The following DNAH17 variants were observed in gnomAD, a reference collection of about 807,000 sequenced individuals.
The protein encoded by DNAH17 is axonemal beta dynein heavy chain 17.
A neutral mutation model predicts 485.6 loss-of-function variants in DNAH17; 376 were observed. That is an observed-to-expected ratio of 0.77 (90% confidence interval 0.71 to 0.84). The LOEUF is 0.84. Ranked by LOEUF, DNAH17 falls within the 40% of genes least tolerant of loss-of-function variation. The probability of loss-of-function intolerance (pLI) is 0.00; values close to 1 mark genes in which losing one functional copy is unlikely to be tolerated. For synonymous variants in DNAH17, 3,031 were observed against 2,405.9 expected (o/e 1.26, Z -7.60); for missense variants, 6,370 against 5,839.3 (o/e 1.09, Z -2.96).
At position 78,570,389 on chromosome 17, in the gene DNAH17, C is replaced by T. The variant is rs560373685; in HGVS notation, c.919-17G>A. The T allele has an allele frequency of 6.2e-7, 1 of 1,607,306 alleles. No homozygotes were observed. Among genetic ancestry groups the T allele is most frequent in the Admixed American group, 1.7e-5 (1 of 59,338 alleles). On this transcript the variant is annotated splice_polypyrimidine_tract_variant and intron_variant, in intron 6 of 80. Coordinates refer to ENST00000389840, the MANE Select transcript of DNAH17 (RefSeq NM_173628.4). ...GGTGGGGAGCTGGGGGGAGACAGGCCCAGGCACACTGGAGGGGACTGGCCG... is the reference window on the plus strand; with the variant it reads ...GGTGGGGAGCTGGGGGGAGACAGGCTCAGGCACACTGGAGGGGACTGGCCG...
intron 75 of DNAH17, among the ~76,000 whole-genome samples, chr17:78,431,876 A>G (rs930802220): frequency 6.6e-6 from 1 of 152,168 alleles, no homozygotes; most frequent in Non-Finnish European, 1.5e-5. Flanking sequence ...GAAATGTCTT[A>G]AAAATCCTAA....
At chr17:78,427,964 C>T (rs1471879091) in intron 77 of DNAH17, among the ~76,000 whole-genome samples, 1 of 37,238 alleles carries the variant, frequency 2.7e-5, no homozygotes, top group Non-Finnish European at 5.3e-5. Flanking sequence ...AAAACTCCGT[C>T]TCAAAAAAAA....
At chr17:78,562,104 A>G in intron 11 of DNAH17, 124 bp from the exon 12 acceptor site, 1 of 1,204,286 alleles carries the variant, frequency 8.3e-7, no homozygotes, top group Non-Finnish European at 1.1e-6. Flanking sequence ...TGCCAAAACA[A>G]AACAATCCAC....
intron 11 of DNAH17, among the ~76,000 whole-genome samples, chr17:78,565,327 T>C (rs2092245445): frequency 6.6e-6 from 1 of 152,378 alleles, no homozygotes; most frequent in Non-Finnish European, 1.5e-5. Flanking sequence ...TTGCATTCAT[T>C]GATATTTTGC....
intron 54 of DNAH17, among the ~76,000 whole-genome samples, chr17:78,469,738 C>T (rs1414802771): frequency 1.3e-5 from 2 of 152,184 alleles, no homozygotes; most frequent in Non-Finnish European, 1.5e-5. Context: ...ATGATTTGGT[C>T]TTAAAAAGGG....
At chr17:78,426,395 G>A (rs745739768) in intron 79 of DNAH17, 62 bp downstream of exon 79, 66 of 1,496,680 alleles carry the variant, frequency 4.4e-5, no homozygotes, top group Non-Finnish European at 5.8e-5. Flanking sequence ...TGTGGGGTGT[G>A]CCGAGCTCTG....
At chr17:78,478,791 A>C in intron 51 of DNAH17, 1 of 496,944 alleles carries the variant, frequency 2.0e-6, no homozygotes, top group Admixed American at 3.8e-5. Context: ...CTATCATCAT[A>C]ACCATCACTA....
At chr17:78,454,167 C>T (rs1385828404) in intron 64 of DNAH17, among the ~76,000 whole-genome samples, 1 of 152,230 alleles carries the variant, frequency 6.6e-6, no homozygotes, top group Non-Finnish European at 1.5e-5. Context: ...CCACGAGACC[C>T]AGGAACATGA....
At chr17:78,498,942 G>T in intron 37 of DNAH17, 66 bp downstream of exon 37, 1 of 1,277,556 alleles carries the variant, frequency 7.8e-7, no homozygotes, top group South Asian at 1.5e-5. Flanking sequence ...TGGCGTGTGA[G>T]GTCACAGGAA....
rs1029061933 is a variant in DNAH17, at chr17:78,423,765, T to A, written c.*141A>T. The A allele has an allele frequency of 2.7e-6, 3 of 1,130,066 alleles. No homozygotes were observed. Among genetic ancestry groups the A allele is most frequent in the African/African-American group, 1.5e-5 (1 of 64,672 alleles). 70.0% of individuals were successfully genotyped at this position (1,130,066 alleles called of 1,614,324 possible). ...CAACCTCCACCCTCTGGTTCCGATG[T>A]GCTTGGTTACAAAGCACCTGATTAT... On this transcript the variant is annotated 3_prime_UTR_variant, in exon 81 of 81. Transcript: ENST00000389840.
chr17:78,544,138 C>T (rs2091684165), intron 16 of DNAH17, 141 bp from the exon 17 acceptor site: 3 of 1,211,192 alleles, frequency 2.5e-6, no homozygotes, highest in Non-Finnish European at 3.4e-6. Context: ...CGATCCATGC[C>T]CATCAGGGGC....
intron 54 of DNAH17, among the ~76,000 whole-genome samples, chr17:78,470,565 T>G (rs747496104): frequency 6.6e-6 from 1 of 152,050 alleles, no homozygotes; most frequent in Non-Finnish European, 1.5e-5. Flanking sequence ...GGCACGCACC[T>G]GTAATCCCAG....
At chr17:78,494,246 G>A (rs1481546285) in intron 40 of DNAH17, 73 bp from the exon 41 acceptor site, 2 of 1,556,378 alleles carry the variant, frequency 1.3e-6, no homozygotes, top group African/African-American at 1.4e-5. Flanking sequence ...AGGCTGGGGG[G>A]CTTCCTGCCC....
chr17:78,556,322 C>G (rs2092022768), intron 14 of DNAH17, among the ~76,000 whole-genome samples: 1 of 152,198 alleles, frequency 6.6e-6, no homozygotes, highest in Non-Finnish European at 1.5e-5. Flanking sequence ...AAGGTGCAGC[C>G]TCTAGACGCT....
At chr17:78,455,216 C>T (rs1424256697) in intron 63 of DNAH17, among the ~76,000 whole-genome samples, 2 of 151,694 alleles carry the variant, frequency 1.3e-5, no homozygotes, top group Non-Finnish European at 2.9e-5. Flanking sequence ...TGCCACTGGG[C>T]CACATTCTCA....
Position 78,565,383 on chromosome 17 carries a change from G to A in DNAH17, c.1569+1231C>T, listed in dbSNP as rs143587001. 5.0e-4 allele frequency among the ~76,000 whole-genome samples: 76 copies of A among 152,300 alleles called. No individual in the cohort carries two copies. The East Asian group carries it at 0.01, about 20-fold the overall frequency. On this transcript the variant is annotated intron_variant, in intron 11 of 80. Transcript: ENST00000389840. ...AAGACTTACTTGATCCTTAATTTGC[G>A]GAGCTTCAAACTCTCATGTATTTGC...
intron 74 of DNAH17, among the ~76,000 whole-genome samples, chr17:78,434,751 C>T (rs2086803563): frequency 6.6e-6 from 1 of 152,112 alleles, no homozygotes; most frequent in Non-Finnish European, 1.5e-5. Flanking sequence ...AATTGTGACT[C>T]CTACGTCTCT....
chr17:78,514,660 G>T, intron 26 of DNAH17, 114 bp downstream of exon 26: 2 of 1,393,940 alleles, frequency 1.4e-6, no homozygotes, highest in Non-Finnish European at 1.9e-6. Flanking sequence ...TGCCCACATT[G>T]GCTTTACCAG....
intron 27 of DNAH17, among the ~76,000 whole-genome samples, chr17:78,509,468 A>G (rs1426910704): frequency 6.6e-6 from 1 of 152,208 alleles, no homozygotes; most frequent in Non-Finnish European, 1.5e-5. Context: ...AAGCCACTGC[A>G]CACTTTAAAC....
Sources: gnomAD v4.1 joint callset for allele counts (sites outside exome capture counted in the v4.1 genomes callset) on GRCh38, gnomAD v4.1.1 for gene constraint, MANE v1.5 for transcripts, NCBI Gene and HGNC (gene_info 2026-07-23, HGNC 2026-07-21) for gene names.